The following LIPC variants were observed in gnomAD, a reference collection of about 807,000 sequenced individuals.
LIPC encodes the protein lipase C, hepatic type, also known as hepatic triacylglycerol lipase.
LIPC carries 44 observed loss-of-function variants against 50.7 expected under a neutral mutation model. The observed-to-expected ratio is 0.87, with a 90% CI of 0.68 to 1.11. The LOEUF (loss-of-function observed/expected upper bound fraction) is 1.11, where lower values mean the gene tolerates loss of function less well. Among genes scored for constraint, LIPC ranks in the 50% most tolerant of loss-of-function variants. The probability of loss-of-function intolerance (pLI) is 0.00; values close to 1 mark genes in which losing one functional copy is unlikely to be tolerated. For synonymous variants in LIPC, 271 were observed against 256.4 expected (o/e 1.06, Z -0.54); for missense variants, 697 against 648.2 (o/e 1.08, Z -0.82).
intron 1 of LIPC, among the ~76,000 whole-genome samples, chr15:58,453,913 TGTG>T (rs1321133628): frequency 6.6e-6 from 1 of 151,866 alleles, no homozygotes; most frequent in East Asian, 1.9e-4. Context: ...ATGGATAGAA[TGTG>T]GGTTCCTTAG....
intron 7 of LIPC, among the ~76,000 whole-genome samples, chr15:58,562,362 G>A (rs1259446129): frequency 6.6e-6 from 1 of 152,182 alleles, no homozygotes; most frequent in Non-Finnish European, 1.5e-5. Flanking sequence ...TTCCCAAGAG[G>A]TCCCAAGAGC....
At chr15:58,527,740 C>T (rs1892835682) in intron 1 of LIPC, among the ~76,000 whole-genome samples, 1 of 152,158 alleles carries the variant, frequency 6.6e-6, no homozygotes. Flanking sequence ...TTCACAATCC[C>T]TGACACATAG....
At chr15:58,544,391 C>CTTTTTTTTTT (rs572161614) in intron 4 of LIPC, among the ~76,000 whole-genome samples, 7 of 110,282 alleles carry the variant, frequency 6.3e-5, no homozygotes, top group Non-Finnish European at 1.1e-4. Context: ...TTCTTTTTCT[C>CTTTTTTTTTT]TTTCTTTTTT....
At chr15:58,546,039 C>A in intron 5 of LIPC, 64 bp downstream of exon 5, 2 of 1,333,250 alleles carry the variant, frequency 1.5e-6, no homozygotes, top group Non-Finnish European at 2.2e-6. Context: ...TGGAATTCAG[C>A]GGAATCTACC....
intron 8 of LIPC, chr15:58,566,276 G>T: frequency 1.0e-6 from 1 of 985,436 alleles, no homozygotes. Context: ...AGGCCAAGAG[G>T]TGTTCCCAGG....
chr15:58,567,879 G>A (rs1894444094), intron 8 of LIPC, among the ~76,000 whole-genome samples: 1 of 152,180 alleles, frequency 6.6e-6, no homozygotes, highest in Non-Finnish European at 1.5e-5. Context: ...AAGGCCGATG[G>A]TGAAGAGGTT....
At chr15:58,444,382 C>T (rs1057069878) in intron 1 of LIPC, among the ~76,000 whole-genome samples, 6 of 152,216 alleles carry the variant, frequency 3.9e-5, no homozygotes, top group Admixed American at 1.3e-4. Context: ...CACACACCAG[C>T]TCTGTGCCAG....
intron 1 of LIPC, among the ~76,000 whole-genome samples, chr15:58,449,010 C>T (rs1893804792): frequency 1.3e-5 from 2 of 152,070 alleles, no homozygotes; most frequent in African/African-American, 4.8e-5. Flanking sequence ...GCAGGAGAGA[C>T]TTTGGAAGAG....
At position 58,514,082 on chromosome 15, in the gene LIPC, A is replaced by T. The variant is rs571812683; in HGVS notation, c.89-24251A>T. 1.6e-4 allele frequency among the ~76,000 whole-genome samples: 24 copies of T among 152,352 alleles called. No homozygotes were observed. In the South Asian group the frequency reaches 3.3e-3, roughly 21 times the overall value. On this transcript the variant is annotated intron_variant, in intron 1 of 8. Coordinates refer to ENST00000299022, the MANE Select transcript of LIPC (RefSeq NM_000236.3). Reference sequence around the variant, plus strand: ...GAAGAGAATGACAACAGAGTGGTACAGTAATAAGCATCATCGTAAAAGCCC... The same window carrying T: ...GAAGAGAATGACAACAGAGTGGTACTGTAATAAGCATCATCGTAAAAGCCC...
intron 1 of LIPC, among the ~76,000 whole-genome samples, chr15:58,504,406 T>G (rs1025038068): frequency 5.9e-5 from 9 of 152,240 alleles, no homozygotes; most frequent in African/African-American, 1.9e-4. Flanking sequence ...AGTGACTCTT[T>G]AAGCCGAATC....
At chr15:58,563,799 C>A in intron 8 of LIPC, 76 bp downstream of exon 8, 1 of 1,176,512 alleles carries the variant, frequency 8.5e-7, no homozygotes, top group Non-Finnish European at 1.2e-6. Flanking sequence ...ATTTAATACT[C>A]ACATTCATCA....
chr15:58,475,976 A>T (rs1258255742), intron 1 of LIPC, among the ~76,000 whole-genome samples: 1 of 152,256 alleles, frequency 6.6e-6, no homozygotes, highest in Non-Finnish European at 1.5e-5. Flanking sequence ...AGCACTGAAC[A>T]CACGTTAGCA....
chr15:58,549,051 T>A (rs1436454850), intron 6 of LIPC, among the ~76,000 whole-genome samples: 1 of 152,198 alleles, frequency 6.6e-6, no homozygotes, highest in African/African-American at 2.4e-5. Flanking sequence ...ATATTCACCC[T>A]GAGGCACTCC....
chr15:58,478,998 A>G (rs1891096307), intron 1 of LIPC, among the ~76,000 whole-genome samples: 1 of 152,228 alleles, frequency 6.6e-6, no homozygotes, highest in South Asian at 2.1e-4. Context: ...GCCAGGGTCC[A>G]CTGGACTTTC....
chr15:58,531,736 C>A (rs1225767417), intron 1 of LIPC, among the ~76,000 whole-genome samples: 1 of 150,102 alleles, frequency 6.7e-6, no homozygotes, highest in East Asian at 2.0e-4. Flanking sequence ...GCAACTACAA[C>A]AACAAAGAAG....
chr15:58,552,925 G>T (rs558584247), intron 6 of LIPC, among the ~76,000 whole-genome samples: 12 of 152,344 alleles, frequency 7.9e-5, no homozygotes, highest in African/African-American at 2.4e-4. Context: ...GGACCTGCAG[G>T]TGGGTCTCAA....
intron 5 of LIPC, 123 bp from the exon 6 acceptor site, chr15:58,548,207 C>A: frequency 7.7e-7 from 1 of 1,305,762 alleles, no homozygotes; most frequent in Non-Finnish European, 1.1e-6. Flanking sequence ...CCTTGACAAG[C>A]CCACCCTTGC....
chr15:58,438,338 C>T (rs745771890), intron 1 of LIPC, among the ~76,000 whole-genome samples: 7 of 152,138 alleles, frequency 4.6e-5, no homozygotes, highest in Non-Finnish European at 7.4e-5. Flanking sequence ...CTGACAGCCA[C>T]GGGCTCCACG....
intron 1 of LIPC, among the ~76,000 whole-genome samples, chr15:58,451,770 G>T (rs1334331466): frequency 6.6e-5 from 10 of 152,200 alleles, no homozygotes; most frequent in Non-Finnish European, 1.0e-4. Context: ...CGGGAGGCAA[G>T]GGCGGCTCCT....
Sources: gnomAD v4.1 joint callset for allele counts (sites outside exome capture counted in the v4.1 genomes callset) on GRCh38, gnomAD v4.1.1 for gene constraint, MANE v1.5 for transcripts, NCBI Gene and HGNC (gene_info 2026-07-23, HGNC 2026-07-21) for gene names.